Variants in PKD1L1 observed in about 807,000 individuals in gnomAD.
PKD1L1 encodes polycystin-1-like protein 1.
PKD1L1 carries 236 observed loss-of-function variants against 323.4 expected under a neutral mutation model. The observed-to-expected ratio is 0.73, with a 90% CI of 0.66 to 0.81. The LOEUF (loss-of-function observed/expected upper bound fraction) is 0.81, where lower values mean the gene tolerates loss of function less well. Among genes scored for constraint, PKD1L1 ranks in the 40% least tolerant of loss-of-function variants. The pLI, the probability that PKD1L1 is intolerant of heterozygous loss-of-function variation, is 0.00. For missense variants in PKD1L1, 3,320 were observed against 3,508.0 expected (o/e 0.95, Z 1.35); for synonymous variants, 1,344 against 1,335.0 (o/e 1.01, Z -0.15).
chr7:47,890,842 T>C (rs1786800861), intron 15 of PKD1L1, 79 bp from the exon 16 acceptor site: 2 of 1,311,182 alleles, frequency 1.5e-6, no homozygotes, highest in Non-Finnish European at 2.2e-6. Context: ...GCACGGGTTT[T>C]CCCCAGGTGA....
At chr7:47,831,383 C>T (rs1350293321) in intron 41 of PKD1L1, 31 bp from the exon 42 acceptor site, 23 of 1,583,602 alleles carry the variant, frequency 1.5e-5, no homozygotes, top group Non-Finnish European at 2.0e-5. Context: ...GACAAGGCAG[C>T]TTAAGAGACC....
At chr7:47,921,486 A>G (rs1787537436) in intron 7 of PKD1L1, among the ~76,000 whole-genome samples, 1 of 152,196 alleles carries the variant, frequency 6.6e-6, no homozygotes, top group Non-Finnish European at 1.5e-5. Context: ...TTACTTAAAT[A>G]ACTAAAAGTA....
chr7:47,940,838 C>A (rs1291391403), intron 2 of PKD1L1, among the ~76,000 whole-genome samples: 4 of 152,178 alleles, frequency 2.6e-5, no homozygotes, highest in African/African-American at 7.2e-5. Context: ...GAAGGCCGGG[C>A]AGTGAGCGGA....
At chr7:47,789,135 T>G (rs189443994) in intron 56 of PKD1L1, among the ~76,000 whole-genome samples, 187 of 152,358 alleles carry the variant, frequency 1.2e-3, no homozygotes, top group African/African-American at 4.3e-3. Context: ...GCTTTTCTTC[T>G]GTCTCTGCTG....
At chr7:47,865,735 G>A (rs1304900734) in intron 25 of PKD1L1, among the ~76,000 whole-genome samples, 1 of 150,412 alleles carries the variant, frequency 6.6e-6, no homozygotes, top group African/African-American at 2.5e-5. Flanking sequence ...ACACGCGCCT[G>A]CCACCACACC....
At position 47,800,719 on chromosome 7, in the gene PKD1L1, G is replaced by C. The variant is rs1220587152; in HGVS notation, c.8123C>G (p.Ser2708Cys). Residue 2708 changes from serine to cysteine, a missense_variant, in exon 54 of 57, where the codon TCT (serine) becomes TGT (cysteine). Physicochemically the swap from Ser to Cys is moderately radical, Grantham distance 112 (BLOSUM62 -1). Coordinates refer to ENST00000289672, the MANE Select transcript of PKD1L1 (RefSeq NM_138295.5). ...GTAACAAGCCATGGCCCGCTGGTCA[G>C]ACTTGGAAAGGCCAAGGAGGCAGTC... Reference protein sequence around the residue: ...QKDCLLGLSKSDQRAMACYFG... With the variant: ...QKDCLLGLSKCDQRAMACYFG... 6.2e-6 allele frequency: 10 copies of C among 1,614,100 alleles called. No homozygotes were observed. The highest frequency in any genetic ancestry group is 7.6e-6 in the Non-Finnish European group (9 of 1,180,050).
At chr7:47,788,577 A>ATTTT (rs34984408) in intron 56 of PKD1L1, among the ~76,000 whole-genome samples, 4 of 138,058 alleles carry the variant, frequency 2.9e-5, no homozygotes, top group African/African-American at 5.3e-5. Context: ...ATATATATAT[A>ATTTT]TTTTTTTTTT....
Position 47,893,873 on chromosome 7 carries a change from C to A in PKD1L1, c.2453+5G>T, listed in dbSNP as rs952434680. 3 of 1,611,800 alleles carry A rather than the reference C, an allele frequency of 1.9e-6. No homozygotes were observed. Among genetic ancestry groups the A allele is most frequent in the Non-Finnish European group, 2.5e-6 (3 of 1,179,322 alleles). On this transcript the variant is annotated splice_donor_5th_base_variant and intron_variant, in intron 15 of 56. Coordinates refer to ENST00000289672, the MANE Select transcript of PKD1L1 (RefSeq NM_138295.5). ...TGCGCAGCTCTGTGTGGGGGTGGTG[C>A]TCACCTGAGAGTCGCCCCAGGGTCG...
In PKD1L1 at chr7:47,815,206, C is replaced by T. The variant is rs558880569; in HGVS notation, c.7089+128G>A. ...CTGCTGGGACCCACTGGAGAGCCAC[C>T]GGCCTTACACCTGCATGGTCATTCA... On this transcript the variant is annotated intron_variant, in intron 47 of 56. Coordinates refer to ENST00000289672, the MANE Select transcript of PKD1L1 (RefSeq NM_138295.5). 1.7e-4 allele frequency: 217 copies of T among 1,264,376 alleles called. 1 individual carries two copies. The Middle Eastern group carries it at 4.7e-3, about 27-fold the overall frequency. The allele number at this position is 1,264,376 out of a possible 1,614,324, so 78.3% of individuals were successfully genotyped here.
intron 24 of PKD1L1, among the ~76,000 whole-genome samples, chr7:47,869,783 A>G (rs1295662109): frequency 6.6e-6 from 1 of 152,162 alleles, no homozygotes; most frequent in Non-Finnish European, 1.5e-5. Flanking sequence ...AATCAGATAC[A>G]TATTCTTTTC....
intron 51 of PKD1L1, among the ~76,000 whole-genome samples, chr7:47,808,602 A>T (rs1784831230): frequency 6.6e-6 from 1 of 152,202 alleles, no homozygotes; most frequent in African/African-American, 2.4e-5. Context: ...GCTATATGAG[A>T]CAGCCTATTG....
At chr7:47,936,762 T>G in intron 4 of PKD1L1, 84 bp downstream of exon 4, 1 of 1,100,504 alleles carries the variant, frequency 9.1e-7, no homozygotes, top group Non-Finnish European at 1.3e-6. Flanking sequence ...AAGCATCGAC[T>G]TTCACATCTG....
At chr7:47,932,476 C>T (rs1286066334) in intron 4 of PKD1L1, among the ~76,000 whole-genome samples, 4 of 152,188 alleles carry the variant, frequency 2.6e-5, no homozygotes, top group African/African-American at 7.2e-5. Context: ...TTGCTTATTC[C>T]GAGTGCAGTC....
At chr7:47,880,103 G>A (rs59399629) in intron 21 of PKD1L1, among the ~76,000 whole-genome samples, 3 of 149,462 alleles carry the variant, frequency 2.0e-5, no homozygotes. Flanking sequence ...GGCGAGGCCT[G>A]TGGGTGAATT....
chr7:47,957,531 C>G, the PKD1L1 span, among the ~76,000 whole-genome samples: 1 of 151,920 alleles, frequency 6.6e-6, no homozygotes, highest in Non-Finnish European at 1.5e-5. Context: ...TTTTTTGAGA[C>G]AAGATCTCAC....
intron 45 of PKD1L1, among the ~76,000 whole-genome samples, chr7:47,826,406 T>C (rs1323357204): frequency 6.6e-6 from 1 of 152,188 alleles, no homozygotes; most frequent in Non-Finnish European, 1.5e-5. Context: ...CTGGAATTCC[T>C]CTCCCACTCT....
Position 47,839,777 on chromosome 7 carries a change from C to T in PKD1L1, c.5553-115G>A. On this transcript the variant is annotated intron_variant, in intron 35 of 56. Coordinates refer to ENST00000289672, the MANE Select transcript of PKD1L1 (RefSeq NM_138295.5). This position sits in a 1 kb window ranked among gnomAD's most constrained non-coding sequence, Gnocchi z 4.3. ...GATGGCCCACAGAGGGTGGATGGGACATGTCAAAGGTGACTGACATGCAGA... is the reference window on the plus strand; with the variant it reads ...GATGGCCCACAGAGGGTGGATGGGATATGTCAAAGGTGACTGACATGCAGA... 9.7e-7 allele frequency: 1 copy of T among 1,033,646 alleles called. No individual in the cohort carries two copies. The highest frequency in any genetic ancestry group is 1.6e-5 in the South Asian group (1 of 62,816). 64.0% of individuals were successfully genotyped at this position (1,033,646 alleles called of 1,614,324 possible). A position where few individuals can be genotyped will look rare whatever the true frequency, so the allele number is the denominator to read the frequency against.
chr7:47,846,285 T>C (rs2128739419), intron 32 of PKD1L1, among the ~76,000 whole-genome samples: 1 of 152,366 alleles, frequency 6.6e-6, no homozygotes, highest in East Asian at 1.9e-4. Flanking sequence ...ATAGAATTGT[T>C]AGTCTGTCAG....
Position 47,829,414 on chromosome 7 carries a change from A to T in PKD1L1, c.6735+11T>A. The stretch of plus-strand genomic sequence containing the variant: ...AATCTCAATTTGCACTGCATAGGTA[A>T]TTTTTTTTACTTTTTCAACCTCGCC... On this transcript the variant is annotated intron_variant, in intron 44 of 56. Coordinates refer to ENST00000289672, the MANE Select transcript of PKD1L1 (RefSeq NM_138295.5). 1.9e-6 allele frequency: 3 copies of T among 1,583,976 alleles called. No individual in the cohort carries two copies. Among genetic ancestry groups the T allele is most frequent in the Non-Finnish European group, 1.7e-6 (2 of 1,166,802 alleles).
Sources: gnomAD v4.1 joint callset for allele counts (sites outside exome capture counted in the v4.1 genomes callset) on GRCh38, gnomAD v4.1.1 for gene constraint, Gnocchi (gnomAD v3.1) non-coding constraint, MANE v1.5 for transcripts, NCBI Gene and HGNC (gene_info 2026-07-23, HGNC 2026-07-21) for gene names.